Variants in CPNE4 observed in about 807,000 individuals in gnomAD.
CPNE4 encodes copine-4.
In CPNE4, 25 loss-of-function variants were observed where a neutral mutation model predicts 67.9. The observed-to-expected ratio is 0.37, with a 90% CI of 0.27 to 0.51. The LOEUF (loss-of-function observed/expected upper bound fraction) is 0.51. CPNE4 is among the 20% of genes least tolerant of loss of function. The pLI, the probability that CPNE4 is intolerant of heterozygous loss-of-function variation, is 0.93. For missense variants in CPNE4, 464 were observed against 690.8 expected (o/e 0.67, Z 3.68); for synonymous variants, 242 against 244.9 (o/e 0.99, Z 0.11).
intron 1 of CPNE4, among the ~76,000 whole-genome samples, chr3:131,929,373 G>T (rs2070990028): frequency 6.6e-6 from 1 of 152,106 alleles, no homozygotes; most frequent in Non-Finnish European, 1.5e-5. Context: ...ACCAGGATTT[G>T]AATGATCTTT....
intron 1 of CPNE4, among the ~76,000 whole-genome samples, chr3:131,979,231 C>G (rs555160255): frequency 6.6e-6 from 1 of 151,790 alleles, no homozygotes; most frequent in South Asian, 2.1e-4. Context: ...TAGTTTAAAT[C>G]GTTTCTTTGT....
chr3:131,929,337 C>T (rs2070989072), intron 1 of CPNE4, among the ~76,000 whole-genome samples: 1 of 152,062 alleles, frequency 6.6e-6, no homozygotes, highest in South Asian at 2.1e-4. Flanking sequence ...ACTAAGCCCA[C>T]TAGGGACTAG....
At chr3:131,688,999 A>G (rs2080962685) in intron 5 of CPNE4, among the ~76,000 whole-genome samples, 1 of 152,168 alleles carries the variant, frequency 6.6e-6, no homozygotes, top group Non-Finnish European at 1.5e-5. Flanking sequence ...AAATACCATG[A>G]ATGAATTAGG....
chr3:132,012,932 A>C (rs1333356833), intron 1 of CPNE4, among the ~76,000 whole-genome samples: 1 of 152,214 alleles, frequency 6.6e-6, no homozygotes, highest in African/African-American at 2.4e-5. Context: ...TTAAGAATTC[A>C]TGTATCTTGG....
intron 7 of CPNE4, among the ~76,000 whole-genome samples, chr3:131,621,272 T>C (rs1016704083): frequency 4.9e-4 from 75 of 152,228 alleles, no homozygotes; most frequent in Middle Eastern, 3.4e-3. Context: ...TTAGACAGGT[T>C]CTCTTACTGT....
intron 7 of CPNE4, among the ~76,000 whole-genome samples, chr3:131,596,621 CAAAAAAAAAAAAAAA>C (rs58456346): frequency 1.2e-4 from 4 of 32,958 alleles, no homozygotes; most frequent in Non-Finnish European, 2.3e-4. Context: ...GACTCCGTCT[CAAAAAAAAAAAAAAA>C]AAAAAAAAAA....
intron 3 of CPNE4, among the ~76,000 whole-genome samples, chr3:131,721,423 T>A (rs1382644656): frequency 8.6e-6 from 1 of 116,724 alleles, no homozygotes; most frequent in Non-Finnish European, 1.7e-5. Flanking sequence ...TGAGACGGAG[T>A]CTTGCTCTGT....
At chr3:131,875,002 C>T (rs891780726) in intron 2 of CPNE4, among the ~76,000 whole-genome samples, 1 of 152,088 alleles carries the variant, frequency 6.6e-6, no homozygotes, top group African/African-American at 2.4e-5. Flanking sequence ...AACATGATAC[C>T]CTTTAATTGT....
chr3:131,546,025 G>T (rs889616042), intron 14 of CPNE4, among the ~76,000 whole-genome samples: 1 of 152,160 alleles, frequency 6.6e-6, no homozygotes, highest in Non-Finnish European at 1.5e-5. Context: ...CTGCACTCCA[G>T]CCTGGCAACA....
intron 14 of CPNE4, among the ~76,000 whole-genome samples, chr3:131,546,712 T>C (rs773719806): frequency 6.6e-6 from 1 of 152,216 alleles, no homozygotes; most frequent in Non-Finnish European, 1.5e-5. Context: ...TATATCAGCC[T>C]GAAATCCAGA....
intron 7 of CPNE4, among the ~76,000 whole-genome samples, chr3:131,627,779 G>A (rs780259093): frequency 4.6e-5 from 7 of 152,208 alleles, no homozygotes; most frequent in South Asian, 2.1e-4. Flanking sequence ...GAAATAGCAA[G>A]AGAACTAGAA....
chr3:131,723,417 G>A (rs777933791), intron 3 of CPNE4, 29 bp downstream of exon 3: 1 of 1,602,240 alleles, frequency 6.2e-7, no homozygotes, highest in Admixed American at 1.7e-5. Flanking sequence ...AGGATGGCAA[G>A]GAGGAGGAAG....
chr3:131,753,534 A>G (rs1378203690), intron 2 of CPNE4, among the ~76,000 whole-genome samples: 1 of 152,134 alleles, frequency 6.6e-6, no homozygotes, highest in African/African-American at 2.4e-5. Flanking sequence ...TCAAATGACA[A>G]AAAGTTAATG....
intron 2 of CPNE4, among the ~76,000 whole-genome samples, chr3:131,895,960 C>G (rs11923812): frequency 0.068 from 10,276 of 152,016 alleles, 478 homozygotes; most frequent in Middle Eastern, 0.14. Flanking sequence ...GGGATCACGC[C>G]TATAATCCCA....
chr3:131,899,280 T>C (rs1028730387), intron 2 of CPNE4, among the ~76,000 whole-genome samples: 2 of 152,006 alleles, frequency 1.3e-5, no homozygotes, highest in Non-Finnish European at 2.9e-5. Context: ...TCGTATTTTG[T>C]TAAGGAGGGA....
At chr3:131,745,756 G>C (rs1238330714) in intron 2 of CPNE4, among the ~76,000 whole-genome samples, 1 of 151,980 alleles carries the variant, frequency 6.6e-6, no homozygotes, top group Non-Finnish European at 1.5e-5. Context: ...TGGTCTATGG[G>C]TATACCCTTC....
intron 14 of CPNE4, among the ~76,000 whole-genome samples, chr3:131,548,618 A>C (rs1165697802): frequency 6.6e-6 from 1 of 152,102 alleles, no homozygotes; most frequent in Non-Finnish European, 1.5e-5. Context: ...GCAGGGGAAC[A>C]GTAAGTGAAA....
At chr3:131,594,551 T>A (rs1367108514) in intron 7 of CPNE4, among the ~76,000 whole-genome samples, 1 of 152,084 alleles carries the variant, frequency 6.6e-6, no homozygotes, top group Non-Finnish European at 1.5e-5. Flanking sequence ...CAGCTCAAAA[T>A]GGATTAAAGA....
intron 5 of CPNE4, among the ~76,000 whole-genome samples, chr3:131,693,874 G>T (rs566130867): frequency 6.6e-6 from 1 of 152,240 alleles, no homozygotes; most frequent in South Asian, 2.1e-4. Context: ...CTTAGATTTT[G>T]TCAGGCAATC....
Sources: gnomAD v4.1 joint callset for allele counts (sites outside exome capture counted in the v4.1 genomes callset) on GRCh38, gnomAD v4.1.1 for gene constraint, MANE v1.5 for transcripts, NCBI Gene and HGNC (gene_info 2026-07-23, HGNC 2026-07-21) for gene names.